ST8SIA5: variants seen among roughly 807,000 people sequenced by gnomAD.
ST8SIA5 encodes ST8 alpha-N-acetyl-neuraminide alpha-2,8-sialyltransferase 5.
A neutral mutation model predicts 40.2 loss-of-function variants in ST8SIA5; 24 were observed. The observed-to-expected ratio is 0.60, with a 90% CI of 0.43 to 0.84. The LOEUF (loss-of-function observed/expected upper bound fraction) is 0.84, where lower values mean the gene tolerates loss of function less well. ST8SIA5 is among the 40% of genes least tolerant of loss of function. The pLI, the probability that ST8SIA5 is intolerant of heterozygous loss-of-function variation, is 0.00. For synonymous variants in ST8SIA5, 198 were observed against 201.8 expected (o/e 0.98, Z 0.16); for missense variants, 465 against 498.5 (o/e 0.93, Z 0.64).
chr18:46,730,757 C>T (rs984833969), intron 1 of ST8SIA5, among the ~76,000 whole-genome samples: 2 of 152,130 alleles, frequency 1.3e-5, no homozygotes, highest in Non-Finnish European at 2.9e-5. Context: ...GTCATGATCA[C>T]ACCACTGCAC....
chr18:46,684,554 C>T (rs1051118204), intron 5 of ST8SIA5, among the ~76,000 whole-genome samples: 6 of 152,138 alleles, frequency 3.9e-5, no homozygotes, highest in African/African-American at 1.4e-4. Flanking sequence ...CAAAGTAACA[C>T]AGCTTTTTCT....
At chr18:46,686,153 C>T (rs1406834209) in intron 5 of ST8SIA5, 21 bp downstream of exon 5, 1 of 1,611,080 alleles carries the variant, frequency 6.2e-7, no homozygotes, top group Non-Finnish European at 8.5e-7. Context: ...GTGGCAAGGG[C>T]AGTGCCAGGG....
chr18:46,715,007 GCAGCCTGGGTTCTGC>G (rs1310122839), intron 1 of ST8SIA5, among the ~76,000 whole-genome samples: 1 of 152,130 alleles, frequency 6.6e-6, no homozygotes, highest in Non-Finnish European at 1.5e-5. Context: ...TCAGCCGGCC[GCAGCCTGGGTTCTGC>G]CAGGCCCCAA....
intron 1 of ST8SIA5, among the ~76,000 whole-genome samples, chr18:46,716,116 A>G (rs1026856472): frequency 6.6e-6 from 1 of 151,950 alleles, no homozygotes; most frequent in Non-Finnish European, 1.5e-5. Context: ...AGATAGATAG[A>G]TAGATAGATA....
In ST8SIA5 at chr18:46,756,494, G is replaced by T; in HGVS notation, c.15C>A (p.Asp5Glu). 6.2e-7 allele frequency: 1 copy of T among 1,612,808 alleles called. No individual in the cohort carries two copies. The highest frequency in any genetic ancestry group is 8.5e-7 in the Non-Finnish European group (1 of 1,179,156). Residue 5 changes from aspartate to glutamate, a missense_variant, in exon 1 of 7, where the codon GAC (aspartate) becomes GAA (glutamate). Transcript: ENST00000315087. Reference protein sequence around the residue: MRYADPSANRDLLGS... With the variant: MRYAEPSANRDLLGS... ...CCAACAAATCCCGGTTGGCCGAGGGGTCCGCGTAGCGCATCCTGGCTACCG... is the reference window on the plus strand; with the variant it reads ...CCAACAAATCCCGGTTGGCCGAGGGTTCCGCGTAGCGCATCCTGGCTACCG...
intron 1 of ST8SIA5, among the ~76,000 whole-genome samples, chr18:46,746,026 C>A (rs924925446): frequency 7.9e-5 from 12 of 152,124 alleles, no homozygotes; most frequent in African/African-American, 2.4e-4. Flanking sequence ...GCTCTTCATG[C>A]TAAAAACTCT....
At chr18:46,731,596 G>C (rs1173106929) in intron 1 of ST8SIA5, 1 of 152,298 alleles carries the variant, frequency 6.6e-6, no homozygotes, top group East Asian at 1.9e-4. Flanking sequence ...CCCAAGTCTT[G>C]ACCAAGAACA....
At chr18:46,731,514 C>T (rs2039984494) in intron 1 of ST8SIA5, among the ~76,000 whole-genome samples, 1 of 152,230 alleles carries the variant, frequency 6.6e-6, no homozygotes, top group Non-Finnish European at 1.5e-5. Context: ...GCCCAGGCCC[C>T]TGTGGAGGGC....
At chr18:46,749,293 G>A (rs2040172937) in intron 1 of ST8SIA5, among the ~76,000 whole-genome samples, 1 of 152,126 alleles carries the variant, frequency 6.6e-6, no homozygotes, top group Non-Finnish European at 1.5e-5. Context: ...AATTGACTGT[G>A]GTGGTAGATG....
intron 1 of ST8SIA5, among the ~76,000 whole-genome samples, chr18:46,712,257 T>C (rs550016070): frequency 6.6e-6 from 1 of 152,310 alleles, no homozygotes; most frequent in South Asian, 2.1e-4. Flanking sequence ...CACTGGCCAG[T>C]GCCCCTACTG....
At chr18:46,688,005 G>A (rs1734559959) in intron 4 of ST8SIA5, among the ~76,000 whole-genome samples, 1 of 152,174 alleles carries the variant, frequency 6.6e-6, no homozygotes, top group Non-Finnish European at 1.5e-5. Flanking sequence ...TGCACCAACC[G>A]TCAGCCCAGG....
At chr18:46,690,300 A>C (rs896536182) in intron 3 of ST8SIA5, among the ~76,000 whole-genome samples, 1 of 152,034 alleles carries the variant, frequency 6.6e-6, no homozygotes, top group African/African-American at 2.4e-5. Flanking sequence ...CCCACCTGAC[A>C]CTCCCTCATG....
At chr18:46,754,133 T>G (rs2040219982) in intron 1 of ST8SIA5, among the ~76,000 whole-genome samples, 1 of 152,176 alleles carries the variant, frequency 6.6e-6, no homozygotes, top group African/African-American at 2.4e-5. Flanking sequence ...GGGGTGACAC[T>G]GATGTGACAG....
intron 1 of ST8SIA5, among the ~76,000 whole-genome samples, chr18:46,751,906 G>C (rs1298820299): frequency 6.6e-6 from 1 of 152,040 alleles, no homozygotes. Context: ...TACATTACTA[G>C]TCTGGCTCTT....
rs767666755 is a variant in ST8SIA5, at chr18:46,680,422, TG to T, written c.750del (p.Tyr250Ter). The T allele has an allele frequency of 3.7e-6, 6 of 1,613,330 alleles. No homozygotes were observed. The highest frequency in any genetic ancestry group is 5.1e-6 in the Non-Finnish European group (6 of 1,179,642). On this transcript the variant is annotated frameshift_variant, in exon 7 of 7. Coordinates refer to ENST00000315087, the MANE Select transcript of ST8SIA5 (RefSeq NM_013305.6). LOFTEE classifies it high-confidence loss of function. Reference protein sequence around the residue: ...ENASVLLPAFYNTRNTDVSIR... With the variant: ...ENASVLLPAFXNTRNTDVSIR... ...ATGGACACGTCGGTGTTGCGCGTGT[TG>T]TAGAAGGCAGGCAGCAGCACCGACG... is the stretch of plus-strand genomic sequence containing the variant.
intron 6 of ST8SIA5, 130 bp from the exon 7 acceptor site, chr18:46,680,640 C>G (rs529649398): frequency 6.0e-5 from 54 of 896,668 alleles, no homozygotes; most frequent in Non-Finnish European, 7.6e-5. Flanking sequence ...CCTCCTGACA[C>G]CTCACGCACC....
intron 3 of ST8SIA5, among the ~76,000 whole-genome samples, chr18:46,689,577 T>C (rs2039483178): frequency 6.6e-6 from 1 of 150,526 alleles, no homozygotes. Flanking sequence ...TTATGATTTT[T>C]TTTTTTTTTT....
chr18:46,682,164 G>A (rs1942996449), intron 5 of ST8SIA5, 100 bp from the exon 6 acceptor site: 1 of 859,654 alleles, frequency 1.2e-6, no homozygotes, highest in South Asian at 1.8e-5. Context: ...TGTGGGCAGA[G>A]GGATGCAAAG....
intron 1 of ST8SIA5, among the ~76,000 whole-genome samples, chr18:46,711,025 C>T (rs1248478704): frequency 6.6e-6 from 1 of 152,226 alleles, no homozygotes; most frequent in Non-Finnish European, 1.5e-5. Context: ...ACCTAGACTC[C>T]TGTCCAGCTT....
Sources: gnomAD v4.1 joint callset for allele counts (sites outside exome capture counted in the v4.1 genomes callset) on GRCh38, gnomAD v4.1.1 for gene constraint, MANE v1.5 for transcripts, NCBI Gene and HGNC (gene_info 2026-07-23, HGNC 2026-07-21) for gene names.